The following ARHGEF3 variants were observed in gnomAD, a reference collection of about 807,000 sequenced individuals.
The protein encoded by ARHGEF3 is 59.8 kDA protein.
A neutral mutation model predicts 63.2 loss-of-function variants in ARHGEF3; 28 were observed. The observed-to-expected ratio is 0.44, with a 90% confidence interval of 0.33 to 0.61. The LOEUF is 0.61. ARHGEF3 is among the 20% of genes least tolerant of loss of function. The probability of loss-of-function intolerance (pLI) is 0.03; values close to 1 mark genes in which losing one functional copy is unlikely to be tolerated. For missense variants in ARHGEF3, 533 were observed against 659.3 expected (o/e 0.81, Z 2.10); for synonymous variants, 266 against 254.2 (o/e 1.05, Z -0.44).
intron 4 of ARHGEF3, among the ~76,000 whole-genome samples, chr3:56,815,749 A>G (rs917313327): frequency 1.3e-5 from 2 of 152,200 alleles, no homozygotes; most frequent in Non-Finnish European, 1.5e-5. Context: ...TGGTTCCTAC[A>G]CTGTCTTCTT....
chr3:56,852,363 G>A (rs1161695320), intron 4 of ARHGEF3, among the ~76,000 whole-genome samples: 1 of 152,158 alleles, frequency 6.6e-6, no homozygotes, highest in Non-Finnish European at 1.5e-5. Context: ...CTGAGTAAGT[G>A]TTCTTTTGTA....
At chr3:57,060,135 C>T (rs1705142247) in intron 1 of ARHGEF3, among the ~76,000 whole-genome samples, 1 of 151,986 alleles carries the variant, frequency 6.6e-6, no homozygotes, top group African/African-American at 2.4e-5. Flanking sequence ...GACTGGACAA[C>T]ATAGCGAGAC....
At chr3:56,952,441 A>G (rs1031456466) in intron 3 of ARHGEF3, among the ~76,000 whole-genome samples, 1 of 152,220 alleles carries the variant, frequency 6.6e-6, no homozygotes, top group African/African-American at 2.4e-5. Flanking sequence ...GATCTTGGGC[A>G]GAGAACTCAC....
intron 3 of ARHGEF3, among the ~76,000 whole-genome samples, chr3:56,926,282 G>GGA (rs768203759): frequency 5.9e-5 from 9 of 152,188 alleles, no homozygotes; most frequent in Non-Finnish European, 1.2e-4. Flanking sequence ...AGGGGTCTAT[G>GGA]GAAGGGACAG....
chr3:57,003,438 T>C (rs1204003348), intron 2 of ARHGEF3, among the ~76,000 whole-genome samples: 2 of 132,520 alleles, frequency 1.5e-5, no homozygotes, highest in African/African-American at 5.8e-5. Flanking sequence ...GTTAAATAAC[T>C]TGCCAATATC....
intron 2 of ARHGEF3, among the ~76,000 whole-genome samples, chr3:57,026,560 C>G (rs781574597): frequency 4.6e-5 from 7 of 152,140 alleles, no homozygotes; most frequent in African/African-American, 7.2e-5. Context: ...GGAGGGAGAC[C>G]GACATGATGT....
intron 2 of ARHGEF3, chr3:56,958,926 G>A (rs1700162211): frequency 6.5e-7 from 1 of 1,527,334 alleles, no homozygotes; most frequent in Non-Finnish European, 8.9e-7. Flanking sequence ...TTATTCAGTG[G>A]TTGGATATTC....
intron 4 of ARHGEF3, among the ~76,000 whole-genome samples, chr3:56,842,749 T>G (rs1291009731): frequency 2.0e-5 from 3 of 152,168 alleles, no homozygotes; most frequent in African/African-American, 7.2e-5. Context: ...GAACTCTCCC[T>G]AGGGTGGTCA....
At position 56,730,344 on chromosome 3, in the gene ARHGEF3, A is replaced by T. The variant is rs543463263; in HGVS notation, c.1229-722T>A. 4.5e-3 allele frequency among the ~76,000 whole-genome samples: 687 copies of T among 151,118 alleles called. 4 individuals carry two copies. Among genetic ancestry groups the T allele is most frequent in the South Asian group, 7.1e-3 (34 of 4,788 alleles). ...ACCTCAACAGGAGCCATCTGCATTTAAAAAAAAATGGTAGTCCACAATATG... is the reference window on the plus strand; with the variant it reads ...ACCTCAACAGGAGCCATCTGCATTTTAAAAAAAATGGTAGTCCACAATATG... On this transcript the variant is annotated intron_variant, in intron 9 of 9. Transcript: ENST00000296315.
At chr3:56,854,952 A>G (rs796387179) in intron 4 of ARHGEF3, among the ~76,000 whole-genome samples, 49 of 152,316 alleles carry the variant, frequency 3.2e-4, no homozygotes, top group African/African-American at 1.2e-3. Flanking sequence ...AGTAAACAGG[A>G]GAGTGTGCAG....
chr3:56,731,390 G>T (rs1188793568), intron 9 of ARHGEF3, among the ~76,000 whole-genome samples: 3 of 151,956 alleles, frequency 2.0e-5, no homozygotes, highest in Non-Finnish European at 4.4e-5. Context: ...AATTAGCCAG[G>T]TGTGGTGGCC....
At chr3:56,849,350 T>C (rs146398424) in intron 4 of ARHGEF3, among the ~76,000 whole-genome samples, 166 of 152,322 alleles carry the variant, frequency 1.1e-3, no homozygotes, top group African/African-American at 3.8e-3. Flanking sequence ...TAAATATATA[T>C]ACAATCTGTA....
At position 56,885,678 on chromosome 3, in the gene ARHGEF3, G is replaced by A. The variant is rs187219549; in HGVS notation, c.130-3324C>T. Among the ~76,000 whole-genome samples the A allele has an allele frequency of 1.3e-3, 201 of 152,246 alleles. 2 individuals are homozygous for A. The highest frequency in any genetic ancestry group is 1.8e-3 in the Non-Finnish European group (123 of 67,988). On this transcript the variant is annotated intron_variant, in intron 3 of 12. Coordinates refer to the ARHGEF3 transcript ENST00000338458. ...CCCAACCCAGTTCCTGCCAGATACT[G>A]CCACCTGCTCCAAGTGTCAAATCCA...
intron 3 of ARHGEF3, among the ~76,000 whole-genome samples, chr3:56,936,760 C>T (rs1698925757): frequency 6.6e-6 from 1 of 152,188 alleles, no homozygotes; most frequent in Non-Finnish European, 1.5e-5. Context: ...CACTCCATTG[C>T]CCAGGCTGGA....
intron 4 of ARHGEF3, among the ~76,000 whole-genome samples, chr3:56,837,185 C>T (rs138589191): frequency 6.6e-6 from 1 of 152,038 alleles, no homozygotes; most frequent in East Asian, 1.9e-4. Context: ...AAGATTGGTG[C>T]TGATTAAAAA....
At chr3:56,947,845 G>T (rs980811958) in intron 3 of ARHGEF3, among the ~76,000 whole-genome samples, 1 of 151,892 alleles carries the variant, frequency 6.6e-6, no homozygotes, top group Non-Finnish European at 1.5e-5. Context: ...GCACCACACC[G>T]CACTTATTCC....
In ARHGEF3 at chr3:56,992,375, TAAAAAAAA is replaced by T. The variant is rs57740672; in HGVS notation, c.63-33494_63-33487del. Reference sequence around the variant, plus strand: ...GGTCCTATGGTAGGGAGGATGGCTTTAAAAAAAAAAAAAAAAAAAAAAAAAAAAAAAAA... The same window carrying T: ...GGTCCTATGGTAGGGAGGATGGCTTTAAAAAAAAAAAAAAAAAAAAAAAAA... On this transcript the variant is annotated intron_variant, in intron 2 of 12. Transcript: ENST00000338458. Among the ~76,000 whole-genome samples, 177 of 46,128 alleles carry T rather than the reference TAAAAAAAA, an allele frequency of 3.8e-3. 1 individual carries two copies. The highest frequency in any genetic ancestry group is 0.023 in the Middle Eastern group (1 of 44). The allele number at this position is 46,128 out of a possible 152,430, so 30.3% of individuals were successfully genotyped here.
At chr3:56,909,928 A>C (rs980215737) in intron 3 of ARHGEF3, among the ~76,000 whole-genome samples, 1 of 152,176 alleles carries the variant, frequency 6.6e-6, no homozygotes, top group African/African-American at 2.4e-5. Flanking sequence ...CTCTGAGCCT[A>C]CATCTTACGA....
At chr3:56,795,658 T>C (rs1460179201) in intron 1 of ARHGEF3, among the ~76,000 whole-genome samples, 12 of 149,710 alleles carry the variant, frequency 8.0e-5, no homozygotes, top group Admixed American at 8.0e-4. Flanking sequence ...TCTCTCTCTT[T>C]TTTTTTTTTG....
Sources: gnomAD v4.1 joint callset for allele counts (sites outside exome capture counted in the v4.1 genomes callset) on GRCh38, gnomAD v4.1.1 for gene constraint, MANE v1.5 for transcripts, NCBI Gene and HGNC (gene_info 2026-07-23, HGNC 2026-07-21) for gene names.